BTNL3: variants seen among roughly 807,000 people sequenced by gnomAD.
BTNL3 encodes butyrophilin-like protein 3.
Under a neutral mutation model 40.1 loss-of-function variants are expected in BTNL3, and 20 were observed. The ratio of observed to expected loss-of-function variants is 0.50; its 90% confidence interval spans 0.35 to 0.72. The LOEUF is 0.72. BTNL3 is among the 30% of genes least tolerant of loss of function. The pLI is 0.01. For missense variants in BTNL3, 449 were observed against 582.2 expected, an observed-to-expected ratio of 0.77 and a Z score of 2.35; for synonymous variants, 179 against 222.1, an observed-to-expected ratio of 0.81 and a Z score of 1.73.
At chr5:181,004,023 C>A in intron 5 of BTNL3, 147 bp downstream of exon 5, 2 of 1,518,990 alleles carry the variant, frequency 1.3e-6, no homozygotes, top group South Asian at 2.2e-5. Flanking sequence ...TCTCCATCCA[C>A]TGCTCATGAG....
rs964035552 is a variant in BTNL3 at position 181,006,137 on chromosome 5, C to T, written c.*265C>T. On this transcript the variant is annotated 3_prime_UTR_variant, in exon 8 of 8. Transcript: ENST00000342868. ...CTGAAGTGGGGACGGAATAGACTCACATTAGGTTTAGTTTGTGAAAACTCC... is the reference window on the plus strand; with the variant it reads ...CTGAAGTGGGGACGGAATAGACTCATATTAGGTTTAGTTTGTGAAAACTCC... 7 of 453,234 alleles carry T rather than the reference C, an allele frequency of 1.5e-5. No homozygotes were observed. The highest frequency in any genetic ancestry group is 5.5e-4 in the Middle Eastern group (1 of 1,816). The allele number at this position is 453,234 out of a possible 1,614,324, so 28.1% of individuals were successfully genotyped here.
chr5:181,005,679 C>G lies in BTNL3; in HGVS notation c.1208C>G (p.Pro403Arg). ...TTTATCAGCCTCCCCCCCAGCACCC[C>G]TCCTACACGAGTAGGGGTCTTCCTG... The part of the protein sequence containing the change: ...PHFISLPPST[P>R]PTRVGVFLDY... Residue 403 changes from proline (P) to arginine (R), a missense_variant, in exon 8 of 8, where the codon CCT (proline) becomes CGT (arginine). Pro to Arg is a moderately radical substitution (Grantham distance 103, BLOSUM62 -2). This residue lies in a region of BTNL3 where 126 missense variants were observed against 117.2 expected (regional missense o/e 1.07). Coordinates refer to ENST00000342868, the MANE Select transcript of BTNL3 (RefSeq NM_197975.3). 2.5e-6 allele frequency: 4 copies of G among 1,614,118 alleles called. No individual in the cohort carries two copies. The highest frequency in any genetic ancestry group is 2.5e-6 in the Non-Finnish European group (3 of 1,180,008).
chr5:180,993,116 C>G lies in BTNL3; in HGVS notation c.353C>G (p.Ser118Cys). The change falls in exon 2 of 8, where the codon TCC becomes TGC. Residue 118 changes from serine to cysteine, a missense_variant. Transcript: ENST00000342868. ...DIGLYGCWFS[S>C]QIYDEEATWE... is the part of the protein sequence containing the mutation. ...GGCCTGTATGGGTGCTGGTTCAGTT[C>G]CCAGATTTACGATGAGGAGGCCACC... The G allele has an allele frequency of 1.4e-6, 2 of 1,448,266 alleles. 1 individual carries two copies. Among genetic ancestry groups the G allele is most frequent in the Non-Finnish European group, 1.9e-6 (2 of 1,050,654 alleles). The allele number at this position is 1,448,266 out of a possible 1,614,324, so 89.7% of individuals were successfully genotyped here. A position where few individuals can be genotyped will look rare whatever the true frequency, so the allele number is the denominator to read the frequency against.
rs755997958 is a variant in BTNL3 at position 180,992,984 on chromosome 5, A to T, written c.221A>T (p.Glu74Val). Reference protein sequence around the residue: ...VHLYRDGEDWESKQMPQYRGR... With the variant: ...VHLYRDGEDWVSKQMPQYRGR... Reference sequence around the variant, plus strand: ...CTCTACAGAGATGGGGAAGACTGGGAATCTAAGCAGATGCCACAGTATCGA... The same window carrying T: ...CTCTACAGAGATGGGGAAGACTGGGTATCTAAGCAGATGCCACAGTATCGA... Residue 74 changes from glutamate (E) to valine (V), a missense_variant, in exon 2 of 8, where the codon GAA becomes GTA. By Grantham distance (121) the Glu-to-Val change is moderately radical. This residue lies in a region of BTNL3 where 323 missense variants were observed against 464.9 expected (regional missense o/e 0.69). Coordinates refer to ENST00000342868, the MANE Select transcript of BTNL3 (RefSeq NM_197975.3). 4.9e-5 allele frequency: 71 copies of T among 1,461,870 alleles called. 3 individuals carry two copies. In the South Asian group the frequency reaches 7.3e-4, roughly 15 times the overall value. The allele number at this position is 1,461,870 out of a possible 1,614,324, so 90.6% of individuals were successfully genotyped here.
chr5:181,000,791 C>A (rs192477358), intron 3 of BTNL3, among the ~76,000 whole-genome samples: 1,582 of 130,928 alleles, frequency 0.012, 187 homozygotes, highest in African/African-American at 0.039. Context: ...CCGGCCTGGG[C>A]GACAGAGCGA....
Position 180,992,884 on chromosome 5 carries a change from T to A in BTNL3, c.121T>A (p.Ser41Thr). 1 of 1,463,100 alleles carries A rather than the reference T, an allele frequency of 6.8e-7. No individual in the cohort carries two copies. Among genetic ancestry groups the A allele is most frequent in the Non-Finnish European group, 9.4e-7 (1 of 1,058,836 alleles). 90.6% of individuals were successfully genotyped at this position (1,463,100 alleles called of 1,614,324 possible). A position where few individuals can be genotyped will look rare whatever the true frequency, so the allele number is the denominator to read the frequency against. The change falls in exon 2 of 8, where the codon TCC becomes ACC. Residue 41 changes from serine (S) to threonine (T), a missense_variant. This residue lies in a region of BTNL3 where 323 missense variants were observed against 464.9 expected (regional missense o/e 0.69). Transcript: ENST00000342868. ...GGGGGAGGACGCCGTGTTCTCCTGC[T>A]CCCTCTTTCCTGAGACCAGTGCAGA... is the stretch of plus-strand genomic sequence containing the variant. ...LVGEDAVFSCSLFPETSAEAM... is the reference protein window; with the variant it reads ...LVGEDAVFSCTLFPETSAEAM...
At chr5:181,001,713 CG>C (rs751736762) in intron 3 of BTNL3, among the ~76,000 whole-genome samples, 1 of 133,764 alleles carries the variant, frequency 7.5e-6, no homozygotes, top group Non-Finnish European at 1.7e-5. Flanking sequence ...GGCGTGGTGG[CG>C]GGCGCCTGTA....
Position 180,991,435 on chromosome 5 carries a change from AAAGGGGGTGGGTACTTAGAAGGTG to A in BTNL3, c.50-1372_50-1349del, listed in dbSNP as rs1759970506. 1.5e-5 allele frequency among the ~76,000 whole-genome samples: 2 copies of A among 136,722 alleles called. 1 individual carries two copies. 89.7% of individuals were successfully genotyped at this position (136,722 alleles called of 152,430 possible). On this transcript the variant is annotated intron_variant, in intron 1 of 7. Coordinates refer to ENST00000342868, the MANE Select transcript of BTNL3 (RefSeq NM_197975.3). Reference sequence around the variant, plus strand: ...AATGAATCAAGAGACACTGCCAATCAAAGGGGGTGGGTACTTAGAAGGTGAAGGGAGTGGGCCTCCATCGTTTGT... The same window carrying A: ...AATGAATCAAGAGACACTGCCAATCAAAGGGAGTGGGCCTCCATCGTTTGT...
At chr5:181,003,771 C>T (rs547465083) in intron 4 of BTNL3, 85 bp from the exon 5 acceptor site, 35 of 1,608,580 alleles carry the variant, frequency 2.2e-5, no homozygotes, top group East Asian at 8.9e-5. Context: ...ACCTGCAGCT[C>T]GTCCCACCTG....
Position 180,996,804 on chromosome 5 carries a change from C to T in BTNL3, c.398-409C>T, listed in dbSNP as rs1054725237. Among the ~76,000 whole-genome samples, 2 of 136,816 alleles carry T rather than the reference C, an allele frequency of 1.5e-5. 1 individual carries two copies. The highest frequency in any genetic ancestry group is 1.5e-4 in the Admixed American group (2 of 12,942). 89.8% of individuals were successfully genotyped at this position (136,816 alleles called of 152,430 possible). On this transcript the variant is annotated intron_variant, in intron 2 of 7. Transcript: ENST00000342868. ...AGTTAAGCACTCTTCTCTGTGCTAA[C>T]CTGACCATGCTTTCATAGTTGCCAT...
rs892203840 is a variant in BTNL3 at position 180,999,523 on chromosome 5, G to A, written c.673+2035G>A. Among the ~76,000 whole-genome samples the A allele has an allele frequency of 5.8e-5, 8 of 137,248 alleles. 2 individuals are homozygous for A. Among genetic ancestry groups the A allele is most frequent in the Non-Finnish European group, 1.3e-4 (8 of 60,020 alleles). The allele number at this position is 137,248 out of a possible 152,430, so 90.0% of individuals were successfully genotyped here. ...ATAGAAAAATGTAAAATACAGGACA[G>A]GCGCAGTGGCTCATGCCTGTAGTCC... On this transcript the variant is annotated intron_variant, in intron 3 of 7. Transcript: ENST00000342868.
chr5:181,000,363 A>AT (rs550337854), intron 3 of BTNL3, among the ~76,000 whole-genome samples: 1 of 136,870 alleles, frequency 7.3e-6, no homozygotes, highest in Non-Finnish European at 1.7e-5. Context: ...ATAGAAGAAA[A>AT]TTTTTTTTAT....
chr5:181,001,862 CAAAACA>C (rs1414724094), intron 3 of BTNL3, among the ~76,000 whole-genome samples: 2 of 129,938 alleles, frequency 1.5e-5, no homozygotes, highest in African/African-American at 5.3e-5. Flanking sequence ...CAAAACAAAA[CAAAACA>C]AAACAAAGAA....
chr5:180,997,460 T>C lies in BTNL3; in HGVS notation c.645T>C (p.His215=). Residue 215 remains histidine, a synonymous_variant, in exon 3 of 8, where the codon CAT becomes CAC. Transcript: ENST00000342868. ...LCSIHLAEQS[H]EVESKVLIGE... is the part of the protein sequence containing the mutation. ...CCATCCACCTTGCTGAGCAGAGTCATGAGGTGGAATCCAAGGTATTGATAG... is the reference window on the plus strand; with the variant it reads ...CCATCCACCTTGCTGAGCAGAGTCACGAGGTGGAATCCAAGGTATTGATAG... The C allele has an allele frequency of 6.8e-7, 1 of 1,463,232 alleles. No homozygotes were observed. The highest frequency in any genetic ancestry group is 2.4e-5 in the East Asian group (1 of 40,978). 90.6% of individuals were successfully genotyped at this position (1,463,232 alleles called of 1,614,324 possible). A position where few individuals can be genotyped will look rare whatever the true frequency, so the allele number is the denominator to read the frequency against.
chr5:181,003,692 G>A (rs1760161968), intron 4 of BTNL3, among the ~76,000 whole-genome samples, 164 bp from the exon 5 acceptor site: 2 of 149,996 alleles, frequency 1.3e-5, no homozygotes, highest in African/African-American at 4.9e-5. Flanking sequence ...ACCCCAGAGA[G>A]CCACACTCCG....
chr5:181,002,681 T>G lies in BTNL3; in HGVS notation c.683T>G (p.Phe228Cys), dbSNP rs899454358. 1 of 1,455,862 alleles carries G rather than the reference T, an allele frequency of 6.9e-7. No individual in the cohort carries two copies. Among genetic ancestry groups the G allele is most frequent in the Non-Finnish European group, 9.5e-7 (1 of 1,055,218 alleles). The allele number at this position is 1,455,862 out of a possible 1,614,324, so 90.2% of individuals were successfully genotyped here. A position where few individuals can be genotyped will look rare whatever the true frequency, so the allele number is the denominator to read the frequency against. ...TGGGACTGTTTTTCAGAGACGTTTT[T>G]CCAGCCCTCACCTTGGCGCCTGGCT... The part of the protein sequence containing the change: ...ESKVLIGETF[F>C]QPSPWRLASI... Residue 228 changes from phenylalanine (F) to cysteine (C), a missense_variant, in exon 4 of 8, where the codon TTC becomes TGC. This residue lies in a region of BTNL3 where 323 missense variants were observed against 464.9 expected (regional missense o/e 0.69). Transcript: ENST00000342868.
At chr5:180,995,830 G>T (rs1042000916) in intron 2 of BTNL3, among the ~76,000 whole-genome samples, 3 of 134,668 alleles carry the variant, frequency 2.2e-5, no homozygotes, top group African/African-American at 7.6e-5. Flanking sequence ...CAGCTGCTGT[G>T]TTTTTTTTCT....
chr5:180,988,908 C>T lies in BTNL3; in HGVS notation c.-121C>T, dbSNP rs528222432. The T allele has an allele frequency of 3.3e-5, 37 of 1,130,800 alleles. 8 individuals are homozygous for T. In the South Asian group the frequency reaches 4.7e-4, roughly 14 times the overall value. 70.0% of individuals were successfully genotyped at this position (1,130,800 alleles called of 1,614,324 possible). Reference sequence around the variant, plus strand: ...TAGGGAGAAATGCACAGTTTGACATCGTTCATGAAGAGCCTCTCCACGGCT... The same window carrying T: ...TAGGGAGAAATGCACAGTTTGACATTGTTCATGAAGAGCCTCTCCACGGCT... On this transcript the variant is annotated 5_prime_UTR_variant, in exon 1 of 8. Transcript: ENST00000342868.
chr5:180,995,443 A>G (rs1177687838), intron 2 of BTNL3, among the ~76,000 whole-genome samples: 1 of 136,378 alleles, frequency 7.3e-6, no homozygotes, highest in African/African-American at 2.5e-5. Context: ...TAGATTTATG[A>G]CTCAGGTCCT....
Sources: allele counts gnomAD v4.1 joint callset (sites outside exome capture counted in the v4.1 genomes callset), GRCh38; gene constraint gnomAD v4.1.1; regional missense constraint gnomAD v4.1.1; transcripts MANE v1.5; gene names NCBI Gene and HGNC (gene_info 2026-07-23, HGNC 2026-07-21).